The following KCNQ3 variants were observed in gnomAD, a reference collection of about 807,000 sequenced individuals.
KCNQ3 encodes potassium voltage-gated channel subfamily KQT member 3.
KCNQ3 carries 30 observed loss-of-function variants against 92.5 expected under a neutral mutation model. The observed-to-expected ratio is 0.32, with a 90% CI of 0.24 to 0.44. The LOEUF (loss-of-function observed/expected upper bound fraction) is 0.44. Ranked by LOEUF, KCNQ3 falls within the 20% of genes least tolerant of loss-of-function variation. KCNQ3 has a pLI of 1.00. For missense variants in KCNQ3, 913 were observed against 1,140.3 expected (o/e 0.80, Z 2.87); for synonymous variants, 450 against 468.8 (o/e 0.96, Z 0.52).
chr8:132,307,234 T>A (rs1239579792), intron 1 of KCNQ3, among the ~76,000 whole-genome samples: 1 of 152,214 alleles, frequency 6.6e-6, no homozygotes, highest in East Asian at 1.9e-4. Flanking sequence ...AGGACCTGTG[T>A]TCCACAGTGA....
chr8:132,240,938 G>C (rs1465991278), intron 1 of KCNQ3, among the ~76,000 whole-genome samples: 2 of 151,756 alleles, frequency 1.3e-5, no homozygotes, highest in African/African-American at 4.8e-5. Flanking sequence ...ACCCAGGCTG[G>C]AGTGCAGTGG....
intron 12 of KCNQ3, among the ~76,000 whole-genome samples, chr8:132,136,447 T>C (rs17652451): frequency 0.28 from 42,398 of 152,104 alleles, 6,057 homozygotes; most frequent in Middle Eastern, 0.41. Context: ...TATTAAAGAT[T>C]TGATACATTT....
rs143511163 is a variant in KCNQ3 at position 132,137,920 on chromosome 8, G to T, written c.1665C>A (p.Leu555=). ...DVIEQYSAGH[L]DMLSRIKYLQ... Reference sequence around the variant, plus strand: ...GGTACTTTATCCTGGAAAGCATGTCGAGATGCCCGGCAGAATACTGCTCAA... The same window carrying T: ...GGTACTTTATCCTGGAAAGCATGTCTAGATGCCCGGCAGAATACTGCTCAA... Residue 555 remains leucine, a synonymous_variant, in exon 12 of 15, where the codon CTC becomes CTA. Transcript: ENST00000388996. 3 of 1,613,970 alleles carry T rather than the reference G, an allele frequency of 1.9e-6. No individual in the cohort carries two copies. Among genetic ancestry groups the T allele is most frequent in the Admixed American group, 1.7e-5 (1 of 60,018 alleles).
At chr8:132,380,667 C>T (rs1189558923) in intron 1 of KCNQ3, among the ~76,000 whole-genome samples, 1 of 151,618 alleles carries the variant, frequency 6.6e-6, no homozygotes, top group Non-Finnish European at 1.5e-5. Context: ...CTGTTTTTTC[C>T]CACCCTCCCT....
chr8:132,203,990 C>G (rs1250164315), intron 1 of KCNQ3, among the ~76,000 whole-genome samples: 2 of 152,220 alleles, frequency 1.3e-5, no homozygotes, highest in Non-Finnish European at 2.9e-5. Context: ...ATTTCATTGT[C>G]TTTCAGATAC....
chr8:132,474,853 G>T (rs2130869587), intron 1 of KCNQ3, among the ~76,000 whole-genome samples: 1 of 152,232 alleles, frequency 6.6e-6, no homozygotes, highest in Non-Finnish European at 1.5e-5. Context: ...GAGTCACCAA[G>T]TGAAAGCAGG....
chr8:132,334,758 G>A (rs945977568), intron 1 of KCNQ3, among the ~76,000 whole-genome samples: 4 of 152,086 alleles, frequency 2.6e-5, no homozygotes, highest in African/African-American at 4.8e-5. Flanking sequence ...GGGAAGTTTC[G>A]CTCCTTGATC....
Position 132,127,388 on chromosome 8 carries a change from G to A in KCNQ3, c.*1874C>T, listed in dbSNP as rs1242735719. 2 of 152,148 alleles carry A rather than the reference G, an allele frequency of 1.3e-5. No homozygotes were observed. Among genetic ancestry groups the A allele is most frequent in the African/African-American group, 2.4e-5 (1 of 41,430 alleles). 9.4% of individuals were successfully genotyped at this position (152,148 alleles called of 1,614,324 possible). A position where few individuals can be genotyped will look rare whatever the true frequency, so the allele number is the denominator to read the frequency against. The stretch of plus-strand genomic sequence containing the variant: ...TTGGTTCTAAGTTCCTAAAGTCAGG[G>A]GTCAAGCTCTAATCATTACTGTATT... On this transcript the variant is annotated 3_prime_UTR_variant, in exon 15 of 15. Transcript: ENST00000388996.
In KCNQ3 at chr8:132,121,289, A is replaced by G. The variant is rs926252656; in HGVS notation, c.*7973T>C. ...TACATTAGAAAAAGAAGGAAAAAAA[A>G]TAGCCATATCCTATCTGAAGCAAGG... On this transcript the variant is annotated 3_prime_UTR_variant, in exon 15 of 15. Transcript: ENST00000388996. 1.3e-5 allele frequency: 2 copies of G among 152,246 alleles called. No individual in the cohort carries two copies. The highest frequency in any genetic ancestry group is 2.9e-5 in the Non-Finnish European group (2 of 68,044). The allele number at this position is 152,246 out of a possible 1,614,324, so 9.4% of individuals were successfully genotyped here. A position where few individuals can be genotyped will look rare whatever the true frequency, so the allele number is the denominator to read the frequency against.
chr8:132,331,603 C>G (rs568531773), intron 1 of KCNQ3, among the ~76,000 whole-genome samples: 1 of 152,214 alleles, frequency 6.6e-6, no homozygotes, highest in Non-Finnish European at 1.5e-5. Flanking sequence ...CCTCTTCCTC[C>G]TCCTCCTGCT....
chr8:132,450,881 A>G (rs991904553), intron 1 of KCNQ3, among the ~76,000 whole-genome samples: 1 of 152,214 alleles, frequency 6.6e-6, no homozygotes, highest in Non-Finnish European at 1.5e-5. Context: ...GAAAAGCAGA[A>G]CTGAAAAAGG....
intron 1 of KCNQ3, among the ~76,000 whole-genome samples, chr8:132,331,993 G>C (rs1416347520): frequency 6.6e-6 from 1 of 152,156 alleles, no homozygotes; most frequent in Non-Finnish European, 1.5e-5. Context: ...TCACACCCTT[G>C]TGCAATCCCC....
At chr8:132,217,394 A>T (rs1814071583) in intron 1 of KCNQ3, among the ~76,000 whole-genome samples, 1 of 152,132 alleles carries the variant, frequency 6.6e-6, no homozygotes, top group African/African-American at 2.4e-5. Flanking sequence ...TCTCTACCTC[A>T]TTGAGGTAAA....
intron 9 of KCNQ3, among the ~76,000 whole-genome samples, chr8:132,162,635 C>G (rs1238489586): frequency 1.3e-5 from 2 of 152,188 alleles, no homozygotes; most frequent in African/African-American, 4.8e-5. Flanking sequence ...AGGAAAGAAC[C>G]ACGTGGTTCA....
chr8:132,386,624 T>C (rs539818695), intron 1 of KCNQ3, among the ~76,000 whole-genome samples: 39 of 152,284 alleles, frequency 2.6e-4, no homozygotes, highest in African/African-American at 9.1e-4. Flanking sequence ...TTTCAAATAA[T>C]TCTTACCATA....
rs377145743 is a variant in KCNQ3, at chr8:132,355,711, G to A, written c.386+124436C>T. Among the ~76,000 whole-genome samples the A allele has an allele frequency of 1.9e-4, 29 of 152,286 alleles. No homozygotes were observed. In the East Asian group the frequency reaches 4.4e-3, roughly 23 times the overall value. Reference sequence around the variant, plus strand: ...TGTTCCCCTGGTTTCTTTTGAACCTGCCCATCACATGGTCTGCTGACATGA... The same window carrying A: ...TGTTCCCCTGGTTTCTTTTGAACCTACCCATCACATGGTCTGCTGACATGA... On this transcript the variant is annotated intron_variant, in intron 1 of 14. Coordinates refer to ENST00000388996, the MANE Select transcript of KCNQ3 (RefSeq NM_004519.4).
chr8:132,186,070 T>C (rs1413633924), intron 2 of KCNQ3, 21 bp downstream of exon 2: 1 of 1,582,212 alleles, frequency 6.3e-7, no homozygotes, highest in Non-Finnish European at 8.7e-7. Flanking sequence ...CAGAAGCATT[T>C]ACCCCAGAAT....
chr8:132,163,863 C>T (rs183498732), intron 8 of KCNQ3, among the ~76,000 whole-genome samples: 12 of 152,340 alleles, frequency 7.9e-5, no homozygotes, highest in African/African-American at 2.9e-4. Flanking sequence ...CAGTCACACA[C>T]CCCCATAACT....
At chr8:132,446,783 C>T (rs754194313) in intron 1 of KCNQ3, among the ~76,000 whole-genome samples, 6 of 152,158 alleles carry the variant, frequency 3.9e-5, no homozygotes, top group South Asian at 4.1e-4. Flanking sequence ...CATAAATTAT[C>T]CCAGGCGACG....
Sources: gnomAD v4.1 joint callset for allele counts (sites outside exome capture counted in the v4.1 genomes callset) on GRCh38, gnomAD v4.1.1 for gene constraint, MANE v1.5 for transcripts, NCBI Gene and HGNC (gene_info 2026-07-23, HGNC 2026-07-21) for gene names.